The following RALYL variants were observed in gnomAD, a reference collection of about 807,000 sequenced individuals.
The protein encoded by RALYL is RNA-binding Raly-like protein.
Under a neutral mutation model 35.1 loss-of-function variants are expected in RALYL, and 29 were observed. The ratio of observed to expected loss-of-function variants is 0.83; its 90% CI spans 0.61 to 1.13. RALYL has a LOEUF of 1.13. Ranked by LOEUF, RALYL falls within the 50% of genes most tolerant of loss-of-function variation. The pLI is 0.00. For missense variants in RALYL, 359 were observed against 360.4 expected (o/e 1.00, Z 0.03); for synonymous variants, 120 against 127.6 (o/e 0.94, Z 0.40).
intron 1 of RALYL, among the ~76,000 whole-genome samples, chr8:84,198,643 C>T (rs905227109): frequency 3.3e-5 from 5 of 152,124 alleles, no homozygotes; most frequent in Non-Finnish European, 5.9e-5. Flanking sequence ...TAATCATCCC[C>T]ACCTCCCTGC....
intron 2 of RALYL, among the ~76,000 whole-genome samples, chr8:84,769,189 A>G (rs370978702): frequency 6.6e-6 from 1 of 152,164 alleles, no homozygotes; most frequent in Non-Finnish European, 1.5e-5. Context: ...TTTATTTTAC[A>G]TGCTTTTTTT....
At chr8:84,610,150 A>C (rs1052442756) in intron 2 of RALYL, among the ~76,000 whole-genome samples, 1 of 152,010 alleles carries the variant, frequency 6.6e-6, no homozygotes, top group African/African-American at 2.4e-5. Context: ...TAAAATCCAA[A>C]GTTTATTAAG....
chr8:84,254,448 T>C (rs1405964524), intron 1 of RALYL, among the ~76,000 whole-genome samples: 1 of 152,078 alleles, frequency 6.6e-6, no homozygotes, highest in African/African-American at 2.4e-5. Context: ...TATAAAAGTC[T>C]GTGGGATCTG....
chr8:84,532,223 T>TTTTG (rs899522046), intron 2 of RALYL, among the ~76,000 whole-genome samples: 1 of 152,038 alleles, frequency 6.6e-6, no homozygotes, highest in African/African-American at 2.4e-5. Context: ...CCAGCGGTTT[T>TTTTG]TTTGTTTGTT....
chr8:84,185,172 C>T (rs1391439562), intron 1 of RALYL: 2 of 759,496 alleles, frequency 2.6e-6, no homozygotes, highest in South Asian at 1.5e-5. Flanking sequence ...ATAAGATGAT[C>T]ACTTGGGTTT....
intron 1 of RALYL, among the ~76,000 whole-genome samples, chr8:84,281,688 TAAG>T (rs1237025158): frequency 6.6e-6 from 1 of 152,124 alleles, no homozygotes; most frequent in Admixed American, 6.5e-5. Flanking sequence ...CTGAAAGTAA[TAAG>T]AAAAATTGTA....
At chr8:84,207,798 ATGTGTG>A (rs575104571) in intron 1 of RALYL, among the ~76,000 whole-genome samples, 2 of 143,756 alleles carry the variant, frequency 1.4e-5, no homozygotes, top group African/African-American at 5.2e-5. Flanking sequence ...TCATTTCATA[ATGTGTG>A]TGTGTGTGTG....
At chr8:84,534,745 A>G (rs796795325) in intron 2 of RALYL, among the ~76,000 whole-genome samples, 1 of 152,316 alleles carries the variant, frequency 6.6e-6, no homozygotes, top group African/African-American at 2.4e-5. Context: ...GGCAATTACA[A>G]GTTCCCCAGA....
intron 2 of RALYL, among the ~76,000 whole-genome samples, chr8:84,612,350 G>A (rs564907416): frequency 6.6e-6 from 1 of 152,112 alleles, no homozygotes; most frequent in Non-Finnish European, 1.5e-5. Flanking sequence ...ATATCATAAA[G>A]TCACATCAGG....
At chr8:84,476,793 A>G (rs2053474716) in intron 1 of RALYL, among the ~76,000 whole-genome samples, 1 of 152,230 alleles carries the variant, frequency 6.6e-6, no homozygotes, top group Admixed American at 6.5e-5. Context: ...AGATGCGGAA[A>G]GGAGCACAAC....
intron 1 of RALYL, among the ~76,000 whole-genome samples, chr8:84,384,591 C>A (rs1426593441): frequency 6.6e-6 from 1 of 151,610 alleles, no homozygotes; most frequent in Non-Finnish European, 1.5e-5. Context: ...TTCCTTTCTC[C>A]CATATTACAT....
At position 84,270,539 on chromosome 8, in the gene RALYL, A is replaced by G. The variant is rs537072714; in HGVS notation, c.-24+86115A>G. Among the ~76,000 whole-genome samples, 5 of 149,228 alleles carry G rather than the reference A, an allele frequency of 3.4e-5. No individual in the cohort carries two copies. The South Asian group carries it at 1.1e-3, about 32-fold the overall frequency. ...TTCTGGCTTGAGGTTTCGATTAACC[A>G]GTGACATGAAATTCGTGTGTGTGTG... On this transcript the variant is annotated intron_variant, in intron 1 of 8. Coordinates refer to ENST00000521268, the MANE Select transcript of RALYL (RefSeq NM_173848.7).
intron 1 of RALYL, among the ~76,000 whole-genome samples, chr8:84,470,400 A>G (rs1420071478): frequency 2.0e-5 from 3 of 152,082 alleles, no homozygotes; most frequent in African/African-American, 4.8e-5. Context: ...TTGAAATGAA[A>G]TTAAAAACAG....
intron 2 of RALYL, among the ~76,000 whole-genome samples, chr8:84,689,367 T>A (rs1837533226): frequency 6.6e-6 from 1 of 152,172 alleles, no homozygotes; most frequent in African/African-American, 2.4e-5. Context: ...CTGAGAATGA[T>A]GATTTCCAAT....
intron 1 of RALYL, among the ~76,000 whole-genome samples, chr8:84,275,139 TG>T: frequency 6.6e-6 from 1 of 152,182 alleles, no homozygotes; most frequent in East Asian, 1.9e-4. Flanking sequence ...TTAGACTTTT[TG>T]ATAGAGAATT....
intron 1 of RALYL, among the ~76,000 whole-genome samples, chr8:84,229,766 C>T (rs1161168895): frequency 6.6e-6 from 1 of 152,116 alleles, no homozygotes; most frequent in Admixed American, 6.6e-5. Flanking sequence ...TGCCCAATTT[C>T]TCATTTTACA....
At chr8:84,403,661 T>C (rs902135566) in intron 1 of RALYL, among the ~76,000 whole-genome samples, 1 of 150,922 alleles carries the variant, frequency 6.6e-6, no homozygotes, top group Admixed American at 6.6e-5. Context: ...ATCTTGGCTA[T>C]ATGGGCTCTT....
chr8:84,712,377 T>G (rs1250691807), intron 2 of RALYL, among the ~76,000 whole-genome samples: 1 of 152,152 alleles, frequency 6.6e-6, no homozygotes, highest in Non-Finnish European at 1.5e-5. Flanking sequence ...GTCTGCCTCA[T>G]ATCCTTAATC....
At chr8:84,315,749 G>A (rs939941479) in intron 1 of RALYL, among the ~76,000 whole-genome samples, 4 of 151,250 alleles carry the variant, frequency 2.6e-5, no homozygotes, top group Non-Finnish European at 5.9e-5. Context: ...TCCATTAGCT[G>A]CATAATTTAT....
Sources: gnomAD v4.1 joint callset for allele counts (sites outside exome capture counted in the v4.1 genomes callset) on GRCh38, gnomAD v4.1.1 for gene constraint, MANE v1.5 for transcripts, NCBI Gene and HGNC (gene_info 2026-07-23, HGNC 2026-07-21) for gene names.